CAMTA1: variants seen among roughly 807,000 people sequenced by gnomAD.
The protein encoded by CAMTA1 is calmodulin binding transcription activator 1.
Under a neutral mutation model 170.9 loss-of-function variants are expected in CAMTA1, and 27 were observed. That is an observed-to-expected ratio of 0.16 (90% CI 0.12 to 0.22). CAMTA1 has a LOEUF of 0.22. Among genes scored for constraint, CAMTA1 ranks in the 10% least tolerant of loss-of-function variants. The probability of loss-of-function intolerance (pLI) is 1.00; values close to 1 mark genes in which losing one functional copy is unlikely to be tolerated. For missense variants in CAMTA1, 1,619 were observed against 2,217.2 expected (o/e 0.73, Z 5.42); for synonymous variants, 833 against 891.5 (o/e 0.93, Z 1.17).
At chr1:7,675,985 G>T (rs1340091470) in intron 10 of CAMTA1, among the ~76,000 whole-genome samples, 1 of 152,236 alleles carries the variant, frequency 6.6e-6, no homozygotes, top group Non-Finnish European at 1.5e-5. Flanking sequence ...AAGAGCAGCA[G>T]CAGTTGAAGA....
At chr1:7,120,279 G>A (rs918779068) in intron 4 of CAMTA1, among the ~76,000 whole-genome samples, 6 of 152,200 alleles carry the variant, frequency 3.9e-5, no homozygotes, top group African/African-American at 1.4e-4. Context: ...TGAAGCTGCA[G>A]TCAAAGTGTC....
At chr1:7,109,267 G>A (rs1416762448) in intron 4 of CAMTA1, among the ~76,000 whole-genome samples, 1 of 152,234 alleles carries the variant, frequency 6.6e-6, no homozygotes, top group Non-Finnish European at 1.5e-5. Context: ...CCAGGAGCAG[G>A]AGTCATTGGG....
At chr1:7,200,145 C>G (rs897910673) in intron 4 of CAMTA1, among the ~76,000 whole-genome samples, 1 of 152,128 alleles carries the variant, frequency 6.6e-6, no homozygotes, top group Non-Finnish European at 1.5e-5. Flanking sequence ...ACTATATATA[C>G]TTAATTATTC....
At chr1:7,535,075 C>T (rs903312958) in intron 6 of CAMTA1, among the ~76,000 whole-genome samples, 1 of 148,294 alleles carries the variant, frequency 6.7e-6, no homozygotes, top group Non-Finnish European at 1.5e-5. Flanking sequence ...GCCCGCCCCA[C>T]CCCGGGCCAG....
rs368654822 is a variant in CAMTA1, at chr1:7,609,845, C to T, written c.511-30555C>T. Reference sequence around the variant, plus strand: ...GCCAGGAACTGAGGTTCCTGGCATCCGGGTAGAGTCCAAACATGGAAGCTC... The same window carrying T: ...GCCAGGAACTGAGGTTCCTGGCATCTGGGTAGAGTCCAAACATGGAAGCTC... On this transcript the variant is annotated intron_variant, in intron 6 of 22. Transcript: ENST00000303635. This position sits in a 1 kb window ranked among gnomAD's most constrained non-coding sequence, Gnocchi z 4.4. Among the ~76,000 whole-genome samples the T allele has an allele frequency of 1.4e-4, 22 of 152,284 alleles. No homozygotes were observed. Among genetic ancestry groups the T allele is most frequent in the Admixed American group, 8.5e-4 (13 of 15,298 alleles).
intron 5 of CAMTA1, among the ~76,000 whole-genome samples, chr1:7,377,760 A>T (rs927869682): frequency 6.6e-6 from 1 of 152,114 alleles, no homozygotes; most frequent in Non-Finnish European, 1.5e-5. Flanking sequence ...TCTCTACTAA[A>T]AATGCAAAAA....
intron 3 of CAMTA1, among the ~76,000 whole-genome samples, chr1:7,090,023 T>C (rs1641270646): frequency 6.6e-6 from 1 of 152,248 alleles, no homozygotes; most frequent in African/African-American, 2.4e-5. Flanking sequence ...ATTTTTGCTA[T>C]AGGCTTCTGC....
chr1:7,350,116 G>A (rs750836519), intron 5 of CAMTA1, among the ~76,000 whole-genome samples: 42 of 152,198 alleles, frequency 2.8e-4, no homozygotes, highest in South Asian at 1.9e-3. Flanking sequence ...CCAGCCTCCC[G>A]AGAGGGGTGC....
chr1:7,178,185 CTCTG>C (rs1651352450), intron 4 of CAMTA1, among the ~76,000 whole-genome samples: 1 of 152,222 alleles, frequency 6.6e-6, no homozygotes, highest in Admixed American at 6.5e-5. Context: ...TTGTTCCTCT[CTCTG>C]TGCTCAGGGC....
rs180752465 is a variant in CAMTA1 at position 7,118,275 on chromosome 1, C to T, written c.302+26904C>T. ...AGTGGCAGGGGTCAGAGTGGGACTGCAGATTCTTGGCATCCTTTTTTTTTT... is the reference window on the plus strand; with the variant it reads ...AGTGGCAGGGGTCAGAGTGGGACTGTAGATTCTTGGCATCCTTTTTTTTTT... On this transcript the variant is annotated intron_variant, in intron 4 of 22. Coordinates refer to ENST00000303635, the MANE Select transcript of CAMTA1 (RefSeq NM_015215.4). 4.0e-3 allele frequency among the ~76,000 whole-genome samples: 598 copies of T among 147,752 alleles called. 1 individual carries two copies. Among genetic ancestry groups the T allele is most frequent in the Admixed American group, 7.1e-3 (105 of 14,702 alleles).
intron 5 of CAMTA1, among the ~76,000 whole-genome samples, chr1:7,323,178 G>C (rs550082934): frequency 6.6e-6 from 1 of 152,008 alleles, no homozygotes; most frequent in South Asian, 2.1e-4. Flanking sequence ...TACTTTAGAT[G>C]CATCTAGAAG....
At chr1:7,006,961 C>T (rs1699086308) in intron 3 of CAMTA1, among the ~76,000 whole-genome samples, 1 of 151,110 alleles carries the variant, frequency 6.6e-6, no homozygotes, top group South Asian at 2.1e-4. Context: ...TTGTGAGAGC[C>T]TAGCACAAAA....
chr1:7,512,054 T>C (rs2094208453), intron 6 of CAMTA1, among the ~76,000 whole-genome samples: 1 of 152,242 alleles, frequency 6.6e-6, no homozygotes, highest in African/African-American at 2.4e-5. Context: ...GCCACTCAGC[T>C]GCCTGGAAGG....
intron 5 of CAMTA1, among the ~76,000 whole-genome samples, chr1:7,288,208 T>G (rs1672623570): frequency 6.6e-6 from 1 of 152,224 alleles, no homozygotes; most frequent in Admixed American, 6.5e-5. Flanking sequence ...CTCGTAGCGC[T>G]CTGCGTGCTG....
chr1:7,729,676 A>T (rs1050633797), intron 11 of CAMTA1, among the ~76,000 whole-genome samples: 1 of 152,188 alleles, frequency 6.6e-6, no homozygotes, highest in Admixed American at 6.5e-5. Flanking sequence ...GGCCAGACAG[A>T]TGGGTTATCT....
intron 5 of CAMTA1, among the ~76,000 whole-genome samples, chr1:7,449,076 G>A (rs918274076): frequency 5.3e-5 from 8 of 152,230 alleles, no homozygotes; most frequent in African/African-American, 7.2e-5. Context: ...GCTGCTGGGG[G>A]CCACTGCCGA....
At chr1:7,290,280 T>C (rs1672936424) in intron 5 of CAMTA1, among the ~76,000 whole-genome samples, 1 of 152,244 alleles carries the variant, frequency 6.6e-6, no homozygotes, top group Admixed American at 6.5e-5. Flanking sequence ...TGGAGCTTTT[T>C]CCTGCATCAT....
chr1:7,469,015 G>A (rs961696540), intron 6 of CAMTA1, among the ~76,000 whole-genome samples: 12 of 152,214 alleles, frequency 7.9e-5, no homozygotes, highest in Non-Finnish European at 1.5e-4. Flanking sequence ...GCCTAGACAG[G>A]GCCCTCTATC....
intron 5 of CAMTA1, among the ~76,000 whole-genome samples, chr1:7,394,022 G>T (rs1204325326): frequency 1.3e-5 from 2 of 152,096 alleles, no homozygotes; most frequent in Non-Finnish European, 2.9e-5. Context: ...GCTACAAATG[G>T]CAGGATTTCA....
Sources: allele counts gnomAD v4.1 joint callset (sites outside exome capture counted in the v4.1 genomes callset), GRCh38; gene constraint gnomAD v4.1.1; non-coding constraint Gnocchi (gnomAD v3.1); transcripts MANE v1.5; gene names NCBI Gene and HGNC (gene_info 2026-07-23, HGNC 2026-07-21).